Variants in FN1 observed in about 807,000 individuals in gnomAD.
FN1 encodes the protein fibronectin.
Under a neutral mutation model 297.3 loss-of-function variants are expected in FN1, and 106 were observed. The observed-to-expected ratio is 0.36, with a 90% confidence interval of 0.30 to 0.42. The LOEUF (loss-of-function observed/expected upper bound fraction) is 0.42, where lower values mean the gene tolerates loss of function less well. FN1 is among the 10% of genes least tolerant of loss of function. The pLI is 1.00. For synonymous variants in FN1, 1,149 were observed against 1,152.6 expected, an observed-to-expected ratio of 1.00 and a Z score of 0.06; for missense variants, 2,690 against 3,124.9, an observed-to-expected ratio of 0.86 and a Z score of 3.32.
At chr2:215,405,872 A>G (rs1315725241) in intron 19 of FN1, among the ~76,000 whole-genome samples, 2 of 152,226 alleles carry the variant, frequency 1.3e-5, no homozygotes, top group Non-Finnish European at 2.9e-5. Flanking sequence ...TAGACACTTG[A>G]CAATTGCTAT....
At chr2:215,426,437 C>T (rs929798459) in intron 6 of FN1, among the ~76,000 whole-genome samples, 4 of 151,974 alleles carry the variant, frequency 2.6e-5, no homozygotes, top group South Asian at 2.1e-4. Flanking sequence ...CGTGAGCCAC[C>T]GCGCCCGGCC....
intron 35 of FN1, 31 bp from the exon 36 acceptor site, chr2:215,376,705 C>T (rs1438350657): frequency 6.2e-7 from 1 of 1,604,240 alleles, no homozygotes; most frequent in South Asian, 1.1e-5. Context: ...AGATTAGTGC[C>T]TGCTTGGCTC....
At chr2:215,414,748 G>C in intron 13 of FN1, 89 bp downstream of exon 13, 2 of 1,583,754 alleles carry the variant, frequency 1.3e-6, no homozygotes, top group Non-Finnish European at 1.7e-6. Context: ...AATCAGAGTT[G>C]TTGGCTCAAA....
Position 215,388,297 on chromosome 2 carries a change from G to A in FN1, c.4257C>T (p.Leu1419=), listed in dbSNP as rs141157994. Residue 1419 remains leucine, a synonymous_variant, in exon 27 of 46, where the codon CTC becomes CTT. Coordinates refer to ENST00000354785, the MANE Select transcript of FN1 (RefSeq NM_212482.4). ...TCACTACATATTCTGTACCAGGCAG[G>A]AGATCTGTAGGGGCAAATGGGGCTT... is the stretch of plus-strand genomic sequence containing the variant. ...PSDNAVVLTN[L]LPGTEYVVSV... The A allele has an allele frequency of 4.0e-4, 639 of 1,612,232 alleles. 4 individuals carry two copies. Among genetic ancestry groups the A allele is most frequent in the South Asian group, 3.7e-3 (334 of 91,042 alleles).
At chr2:215,422,026 A>G in intron 10 of FN1, 65 bp downstream of exon 10, 2 of 1,471,624 alleles carry the variant, frequency 1.4e-6, no homozygotes, top group Non-Finnish European at 1.9e-6. Context: ...AAGTTTTCAT[A>G]AAAAAAAGTG....
chr2:215,384,511 A>C, intron 29 of FN1: 1 of 382,092 alleles, frequency 2.6e-6, no homozygotes, highest in Non-Finnish European at 4.6e-6. Context: ...AAAACTTTTA[A>C]CAGAATACAT....
chr2:215,413,267 C>T (rs562961014), intron 13 of FN1, among the ~76,000 whole-genome samples: 7 of 152,188 alleles, frequency 4.6e-5, no homozygotes, highest in South Asian at 2.1e-4. Flanking sequence ...TACAGGCGTG[C>T]GCCCCCAAGC....
Position 215,421,993 on chromosome 2 carries a change from T to C in FN1, c.1546+98A>G, listed in dbSNP as rs867934451. 4.4e-6 allele frequency: 5 copies of C among 1,138,022 alleles called. No homozygotes were observed. The Middle Eastern group carries it at 7.7e-4, about 176-fold the overall frequency. The allele number at this position is 1,138,022 out of a possible 1,614,324, so 70.5% of individuals were successfully genotyped here. ...TGAATGACGTGGCATTCCATATTTC[T>C]TCCCCTGCTTTTGGCATAGTGCAAG... On this transcript the variant is annotated intron_variant, in intron 10 of 45. Coordinates refer to ENST00000354785, the MANE Select transcript of FN1 (RefSeq NM_212482.4).
chr2:215,408,042 C>G, intron 17 of FN1, 66 bp downstream of exon 17: 2 of 1,237,254 alleles, frequency 1.6e-6, no homozygotes, highest in Non-Finnish European at 2.4e-6. Context: ...CAGTCAGAAT[C>G]TGCGCCCTCC....
In FN1 at chr2:215,369,736, G is replaced by GA. The variant is rs199785376; in HGVS notation, c.6853+557dup. On this transcript the variant is annotated intron_variant, in intron 41 of 45. Coordinates refer to ENST00000354785, the MANE Select transcript of FN1 (RefSeq NM_212482.4). ...TAGAAGCTTTTAACCTGTATAGTCA[G>GA]AAAAAAAAATGGAAATAACATTGGA... Among the ~76,000 whole-genome samples, 794 of 149,306 alleles carry GA rather than the reference G, an allele frequency of 5.3e-3. 6 individuals carry two copies. The highest frequency in any genetic ancestry group is 0.019 in the African/African-American group (755 of 40,656).
At chr2:215,378,312 C>A in intron 34 of FN1, 50 bp from the exon 35 acceptor site, 1 of 992,244 alleles carries the variant, frequency 1.0e-6, no homozygotes, top group Non-Finnish European at 1.6e-6. Flanking sequence ...CAACTGAAAC[C>A]CAAGGAGTTT....
At chr2:215,433,823 C>T (rs1326833170) in intron 2 of FN1, among the ~76,000 whole-genome samples, 2 of 152,248 alleles carry the variant, frequency 1.3e-5, no homozygotes, top group South Asian at 4.1e-4. Context: ...AACGATTGGC[C>T]GGGCACAGTG....
rs56381916 is a variant in FN1, at chr2:215,404,307, T to TTTTTG, written c.3253+81_3253+82insCAAAA. The TTTTTG allele has an allele frequency of 0.014, 16,745 of 1,219,416 alleles. 44 individuals are homozygous for TTTTTG. The highest frequency in any genetic ancestry group is 0.028 in the African/African-American group (1,918 of 67,500). 75.5% of individuals were successfully genotyped at this position (1,219,416 alleles called of 1,614,324 possible). A position where few individuals can be genotyped will look rare whatever the true frequency, so the allele number is the denominator to read the frequency against. On this transcript the variant is annotated intron_variant, in intron 20 of 45. Coordinates refer to ENST00000354785, the MANE Select transcript of FN1 (RefSeq NM_212482.4). Reference sequence around the variant, plus strand: ...TGTACTAATTTTTTAATGTTTTTTTTGTTTTGTTTTGTTTTGTTTTAAAGC... The same window carrying TTTTTG: ...TGTACTAATTTTTTAATGTTTTTTTTTTTTGGTTTTGTTTTGTTTTGTTTTAAAGC...
chr2:215,392,459 C>T (rs2059812410), intron 25 of FN1: 1 of 200,096 alleles, frequency 5.0e-6, no homozygotes, highest in Admixed American at 5.4e-5. Context: ...AAAACAATGC[C>T]CATCCACTCT....
intron 25 of FN1, chr2:215,392,633 C>A: frequency 2.4e-6 from 1 of 410,266 alleles, no homozygotes; most frequent in East Asian, 5.0e-5. Context: ...ACGAAAAATT[C>A]TAGGTCTTCA....
intron 6 of FN1, 94 bp from the exon 7 acceptor site, chr2:215,425,379 A>G: frequency 7.9e-7 from 1 of 1,258,556 alleles, no homozygotes; most frequent in Non-Finnish European, 1.2e-6. Context: ...CACAGAGATC[A>G]CTCTGAAATC....
At chr2:215,371,045 G>A (rs1000794513) in intron 40 of FN1, among the ~76,000 whole-genome samples, 5 of 152,240 alleles carry the variant, frequency 3.3e-5, no homozygotes, top group South Asian at 2.1e-4. Flanking sequence ...CAAGGCGGGC[G>A]GATCACGAGG....
At chr2:215,418,460 A>T (rs890580414) in intron 12 of FN1, among the ~76,000 whole-genome samples, 3 of 152,194 alleles carry the variant, frequency 2.0e-5, no homozygotes, top group Admixed American at 2.0e-4. Flanking sequence ...TTGTTTCTGA[A>T]TGTAGGCCAT....
intron 13 of FN1, among the ~76,000 whole-genome samples, chr2:215,411,588 C>A (rs940415307): frequency 1.3e-5 from 2 of 151,672 alleles, no homozygotes; most frequent in Admixed American, 6.6e-5. Context: ...TTAGAAAAAA[C>A]CCTGAATTTT....
Sources: gnomAD v4.1 joint callset for allele counts (sites outside exome capture counted in the v4.1 genomes callset) on GRCh38, gnomAD v4.1.1 for gene constraint, MANE v1.5 for transcripts, NCBI Gene and HGNC (gene_info 2026-07-23, HGNC 2026-07-21) for gene names.